Variants in IER5L observed in about 807,000 individuals in gnomAD.
IER5L encodes the protein immediate early response 5 like.
A neutral mutation model predicts 28.3 loss-of-function variants in IER5L; 6 were observed. That is an observed-to-expected ratio of 0.21 (90% CI 0.12 to 0.42). The LOEUF (loss-of-function observed/expected upper bound fraction) is 0.42, where lower values mean the gene tolerates loss of function less well. Ranked by LOEUF, IER5L falls within the 10% of genes least tolerant of loss-of-function variation. The probability of loss-of-function intolerance (pLI) is 1.00; values close to 1 mark genes in which losing one functional copy is unlikely to be tolerated. For missense variants in IER5L, 607 were observed against 575.2 expected, an observed-to-expected ratio of 1.06 and a Z score of -0.56; for synonymous variants, 351 against 282.5, an observed-to-expected ratio of 1.24 and a Z score of -2.43.
rs765744642 is a variant in IER5L, at chr9:129,178,087, C to CGCT, written c.-38_-36dup. On this transcript the variant is annotated 5_prime_UTR_variant, in exon 1 of 1. Transcript: ENST00000372491. ...GAGACGGCGGCGGAGCAGCCGCCGC[C>CGCT]GCTGCTGCTGTTAACGCTTCTGCTG... is the stretch of plus-strand genomic sequence containing the variant. The CGCT allele has an allele frequency of 1.3e-5, 18 of 1,374,026 alleles. No individual in the cohort carries two copies. Among genetic ancestry groups the CGCT allele is most frequent in the African/African-American group, 1.2e-4 (8 of 65,704 alleles). 85.1% of individuals were successfully genotyped at this position (1,374,026 alleles called of 1,614,324 possible).
chr9:129,176,581 A>G lies in IER5L; in HGVS notation c.*257T>C, dbSNP rs1362321617. On this transcript the variant is annotated 3_prime_UTR_variant, in exon 1 of 1. Transcript: ENST00000372491. ...ACACCACTGCAATCACTACAATAAAAAGAAAAAAAGGAGTAGGAGAAACAC... is the reference window on the plus strand; with the variant it reads ...ACACCACTGCAATCACTACAATAAAGAGAAAAAAAGGAGTAGGAGAAACAC... The G allele has an allele frequency of 1.2e-5, 4 of 341,210 alleles. No homozygotes were observed. Among genetic ancestry groups the G allele is most frequent in the Non-Finnish European group, 2.0e-5 (4 of 197,854 alleles). The allele number at this position is 341,210 out of a possible 1,614,324, so 21.1% of individuals were successfully genotyped here.
In IER5L at chr9:129,177,428, A is replaced by G. The variant is rs1490370865; in HGVS notation, c.625T>C (p.Ser209Pro). 1 of 1,211,510 alleles carries G rather than the reference A, an allele frequency of 8.3e-7. No homozygotes were observed. Among genetic ancestry groups the G allele is most frequent in the Non-Finnish European group, 1.0e-6 (1 of 976,168 alleles). 75.0% of individuals were successfully genotyped at this position (1,211,510 alleles called of 1,614,324 possible). Residue 209 changes from serine (S) to proline (P), a missense_variant, in exon 1 of 1, where the codon TCC (serine) becomes CCC (proline). Coordinates refer to ENST00000372491, the MANE Select transcript of IER5L (RefSeq NM_203434.3). ...PRDPRAPAACSAPPGAAPPAA... is the reference protein window; with the variant it reads ...PRDPRAPAACPAPPGAAPPAA... ...GGAGGGGCGGCCCCTGGGGGCGCGG[A>G]GCAGGCGGCCGGGGCGCGAGGGTCC...
rs960286474 is a variant in IER5L at position 129,177,481 on chromosome 9, GGCGGCA to G, written c.566_571del (p.Leu189_Pro190del). On this transcript the variant is annotated inframe_deletion, in exon 1 of 1. Coordinates refer to ENST00000372491, the MANE Select transcript of IER5L (RefSeq NM_203434.3). The stretch of plus-strand genomic sequence containing the variant: ...CGGGCAGAGCGCAGCGGGCGCGGGC[GGCGGCA>G]GCGGCAGCGGCAGCGGCGCAGGACC... 3.5e-4 allele frequency: 345 copies of G among 992,808 alleles called. No individual in the cohort carries two copies. The highest frequency in any genetic ancestry group is 2.4e-3 in the East Asian group (22 of 9,206). The allele number at this position is 992,808 out of a possible 1,614,324, so 61.5% of individuals were successfully genotyped here.
In IER5L at chr9:129,177,344, G is replaced by T. The variant is rs1487585780; in HGVS notation, c.709C>A (p.Arg237=). The T allele has an allele frequency of 8.4e-6, 11 of 1,315,698 alleles. No homozygotes were observed. The highest frequency in any genetic ancestry group is 1.5e-5 in the African/African-American group (1 of 66,616). 81.5% of individuals were successfully genotyped at this position (1,315,698 alleles called of 1,614,324 possible). The change falls in exon 1 of 1, where the codon CGG becomes AGG. Residue 237 remains arginine (R), a synonymous_variant. Coordinates refer to ENST00000372491, the MANE Select transcript of IER5L (RefSeq NM_203434.3). ...TCCGAAGGGGTAGGGTATGCGCCCC[G>T]GTAGAAGCCGGGGGAGGAGGCGGGG... ...PAPASSPGFY[R]GAYPTPSDFG...
rs1466441711 is a variant in IER5L, at chr9:129,178,151, G to A, written c.-99C>T. ...CCGGCCGCCGGGGCGCGCCGGGCAG[G>A]GGTAACGGAGTCCGGGTCAGAGGTT... On this transcript the variant is annotated 5_prime_UTR_variant, in exon 1 of 1. Transcript: ENST00000372491. The A allele has an allele frequency of 1.9e-6, 2 of 1,047,724 alleles. No individual in the cohort carries two copies. The highest frequency in any genetic ancestry group is 3.2e-5 in the East Asian group (1 of 30,792). The allele number at this position is 1,047,724 out of a possible 1,614,324, so 64.9% of individuals were successfully genotyped here.
In IER5L at chr9:129,177,706, T is replaced by G. The variant is rs1328002693; in HGVS notation, c.347A>C (p.Gln116Pro). The G allele has an allele frequency of 4.2e-6, 6 of 1,430,900 alleles. No homozygotes were observed. The African/African-American group carries it at 7.5e-5, about 18-fold the overall frequency. 88.6% of individuals were successfully genotyped at this position (1,430,900 alleles called of 1,614,324 possible). A position where few individuals can be genotyped will look rare whatever the true frequency, so the allele number is the denominator to read the frequency against. ...CTGCTGGAGGTGCAGCTGGTGGAGC[T>G]GGTGGAGCTGGTGCAGCTGGTGCCG... The part of the protein sequence containing the change: ...AARHQLHQLH[Q>P]LHQLHLQQQL... Residue 116 changes from glutamine (Q) to proline (P), a missense_variant, in exon 1 of 1, where the codon CAG becomes CCG. Transcript: ENST00000372491.
In IER5L at chr9:129,177,888, G is replaced by A. The variant is rs760839354; in HGVS notation, c.165C>T (p.Leu55=). ...QLYLSERYAE[L]YRRQQQQQQQ... is the part of the protein sequence containing the mutation. ...GTTGCTGCTGCTGCTGGCGCCGGTA[G>A]AGCTCGGCGTAGCGCTCGCTCAGGT... is the stretch of plus-strand genomic sequence containing the variant. Residue 55 remains leucine, a synonymous_variant, in exon 1 of 1, where the codon CTC becomes CTT. Coordinates refer to ENST00000372491, the MANE Select transcript of IER5L (RefSeq NM_203434.3). 11 of 1,548,722 alleles carry A rather than the reference G, an allele frequency of 7.1e-6. No individual in the cohort carries two copies. Among genetic ancestry groups the A allele is most frequent in the Non-Finnish European group, 8.7e-6 (10 of 1,147,500 alleles).
Position 129,178,252 on chromosome 9 carries a change from A to G in IER5L, c.-200T>C. ...GCTCGCGCTCCCCAGACGGCGCCAA[A>G]GCAATGAGTCTCGGCCGGCCCCGGC... On this transcript the variant is annotated 5_prime_UTR_variant, in exon 1 of 1. Coordinates refer to ENST00000372491, the MANE Select transcript of IER5L (RefSeq NM_203434.3). The G allele has an allele frequency of 2.3e-6, 1 of 436,886 alleles. No individual in the cohort carries two copies. Among genetic ancestry groups the G allele is most frequent in the Non-Finnish European group, 3.9e-6 (1 of 253,826 alleles). The allele number at this position is 436,886 out of a possible 1,614,324, so 27.1% of individuals were successfully genotyped here.
rs111826542 is a variant in IER5L at position 129,176,668 on chromosome 9, C to CT, written c.*169dup. ...AAATAAAGTCCAAGATTTTAGATTT[C>CT]TTTTTTTTTTATTTTACAATTTATA... On this transcript the variant is annotated 3_prime_UTR_variant, in exon 1 of 1. Coordinates refer to ENST00000372491, the MANE Select transcript of IER5L (RefSeq NM_203434.3). The CT allele has an allele frequency of 6.0e-3, 4,899 of 810,362 alleles. 1 individual carries two copies. The highest frequency in any genetic ancestry group is 9.4e-3 in the Middle Eastern group (22 of 2,334). 50.2% of individuals were successfully genotyped at this position (810,362 alleles called of 1,614,324 possible).
In IER5L at chr9:129,177,122, C is replaced by T. The variant is rs928695013; in HGVS notation, c.931G>A (p.Glu311Lys). Residue 311 changes from glutamate to lysine, a missense_variant, in exon 1 of 1, where the codon GAG becomes AAG. By Grantham distance (56) the Glu-to-Lys change is moderately conservative (BLOSUM62 1). Coordinates refer to ENST00000372491, the MANE Select transcript of IER5L (RefSeq NM_203434.3). ...CCCGCATCCTCCTCGTCGTCTTCCT[C>T]CTCCTCCTGGCCAGGGTAATACTTG... ...KRKYYPGQEE[E>K]EDDEEDAGGL... 2 of 1,464,406 alleles carry T rather than the reference C, an allele frequency of 1.4e-6. No homozygotes were observed. Among genetic ancestry groups the T allele is most frequent in the Non-Finnish European group, 1.8e-6 (2 of 1,110,252 alleles). 90.7% of individuals were successfully genotyped at this position (1,464,406 alleles called of 1,614,324 possible).
Position 129,177,094 on chromosome 9 carries a change from C to A in IER5L, c.959G>T (p.Gly320Val), listed in dbSNP as rs774228318. 3.4e-6 allele frequency: 5 copies of A among 1,459,846 alleles called. No individual in the cohort carries two copies. The highest frequency in any genetic ancestry group is 3.6e-6 in the Non-Finnish European group (4 of 1,107,528). The allele number at this position is 1,459,846 out of a possible 1,614,324, so 90.4% of individuals were successfully genotyped here. ...EEEDDEEDAG[G>V]LGAEPPGGAP... The stretch of plus-strand genomic sequence containing the variant: ...GCCCCCGGGGGGCTCGGCCCCCAGC[C>A]CGCCCGCATCCTCCTCGTCGTCTTC... The change falls in exon 1 of 1, where the codon GGG becomes GTG. Residue 320 changes from glycine to valine, a missense_variant. Transcript: ENST00000372491.
In IER5L at chr9:129,176,658, T is replaced by C. The variant is rs904910031; in HGVS notation, c.*180A>G. 8.2e-6 allele frequency: 7 copies of C among 854,932 alleles called. No individual in the cohort carries two copies. The highest frequency in any genetic ancestry group is 1.1e-5 in the Non-Finnish European group (7 of 621,118). 53.0% of individuals were successfully genotyped at this position (854,932 alleles called of 1,614,324 possible). A position where few individuals can be genotyped will look rare whatever the true frequency, so the allele number is the denominator to read the frequency against. On this transcript the variant is annotated 3_prime_UTR_variant, in exon 1 of 1. Coordinates refer to ENST00000372491, the MANE Select transcript of IER5L (RefSeq NM_203434.3). ...CTCTCTGCAAAAATAAAGTCCAAGA[T>C]TTTAGATTTCTTTTTTTTTTATTTT...
rs1829445563 is a variant in IER5L, at chr9:129,178,218, C to G, written c.-166G>C. On this transcript the variant is annotated 5_prime_UTR_variant, in exon 1 of 1. Coordinates refer to ENST00000372491, the MANE Select transcript of IER5L (RefSeq NM_203434.3). ...GGAGCCGCCACCATGCGCCGCGCGC[C>G]ACCCGCGGGCTCGCGCTCCCCAGAC... The G allele has an allele frequency of 1.9e-6, 1 of 520,468 alleles. No homozygotes were observed. Among genetic ancestry groups the G allele is most frequent in the Non-Finnish European group, 3.0e-6 (1 of 329,332 alleles). The allele number at this position is 520,468 out of a possible 1,614,324, so 32.2% of individuals were successfully genotyped here.
At position 129,177,496 on chromosome 9, in the gene IER5L, G is replaced by A. The variant is rs968786908; in HGVS notation, c.557C>T (p.Pro186Leu). 15 of 989,708 alleles carry A rather than the reference G, an allele frequency of 1.5e-5. No homozygotes were observed. In the African/African-American group the frequency reaches 2.3e-4, roughly 15 times the overall value. 61.3% of individuals were successfully genotyped at this position (989,708 alleles called of 1,614,324 possible). A position where few individuals can be genotyped will look rare whatever the true frequency, so the allele number is the denominator to read the frequency against. Residue 186 changes from proline to leucine, a missense_variant, in exon 1 of 1, where the codon CCG becomes CTG. Pro to Leu is a moderately conservative substitution (Grantham distance 98). Coordinates refer to ENST00000372491, the MANE Select transcript of IER5L (RefSeq NM_203434.3). Reference protein sequence around the residue: ...EPLQPGPAPLPLPLPPPAPAA... With the variant: ...EPLQPGPAPLLLPLPPPAPAA... ...GGGCGCGGGCGGCGGCAGCGGCAGC[G>A]GCAGCGGCGCAGGACCCGGCTGCAG...
rs1280768814 is a variant in IER5L, at chr9:129,177,652, G to A, written c.401C>T (p.Pro134Leu). The A allele has an allele frequency of 1.5e-6, 2 of 1,291,060 alleles. No individual in the cohort carries two copies. Among genetic ancestry groups the A allele is most frequent in the East Asian group, 3.4e-5 (1 of 29,020 alleles). The allele number at this position is 1,291,060 out of a possible 1,614,324, so 80.0% of individuals were successfully genotyped here. A position where few individuals can be genotyped will look rare whatever the true frequency, so the allele number is the denominator to read the frequency against. ...CGCCGCCGCCGCCGCGCAGCCCCTG[G>A]GCGCCGGGTGCTGGTGCTGGTGCAG... ...QQLHQHQHPAPRGCAAAAAAG... is the reference protein window; with the variant it reads ...QQLHQHQHPALRGCAAAAAAG... Residue 134 changes from proline to leucine, a missense_variant, in exon 1 of 1, where the codon CCC becomes CTC. Pro to Leu is a moderately conservative substitution (Grantham distance 98). Coordinates refer to ENST00000372491, the MANE Select transcript of IER5L (RefSeq NM_203434.3).
At position 129,177,825 on chromosome 9, in the gene IER5L, C is replaced by A. The variant is rs1366804464; in HGVS notation, c.228G>T (p.Ala76=). The A allele has an allele frequency of 5.3e-6, 8 of 1,521,052 alleles. No homozygotes were observed. The highest frequency in any genetic ancestry group is 7.0e-6 in the Non-Finnish European group (8 of 1,136,736). The allele number at this position is 1,521,052 out of a possible 1,614,324, so 94.2% of individuals were successfully genotyped here. A position where few individuals can be genotyped will look rare whatever the true frequency, so the allele number is the denominator to read the frequency against. ...QPPHHQHQHL[A]YAAPGMPASA... is the part of the protein sequence containing the mutation. ...TGGCCGGCATGCCCGGCGCCGCGTA[C>A]GCTAGGTGCTGGTGCTGGTGGTGGG... Residue 76 remains alanine, a synonymous_variant, in exon 1 of 1, where the codon GCG becomes GCT. Coordinates refer to ENST00000372491, the MANE Select transcript of IER5L (RefSeq NM_203434.3).
Position 129,177,921 on chromosome 9 carries a change from G to A in IER5L, c.132C>T (p.Arg44=), listed in dbSNP as rs975333098. 4 of 1,564,626 alleles carry A rather than the reference G, an allele frequency of 2.6e-6. No homozygotes were observed. The highest frequency in any genetic ancestry group is 3.5e-6 in the Non-Finnish European group (4 of 1,156,242). Residue 44 remains arginine (R), a synonymous_variant, in exon 1 of 1, where the codon CGC becomes CGT. Coordinates refer to ENST00000372491, the MANE Select transcript of IER5L (RefSeq NM_203434.3). ...CGTAGCGCTCGCTCAGGTAGAGCTG[G>A]CGCGCGTTGCGGAGCACGTAGGACA... ...LLVSYVLRNA[R]QLYLSERYAE...
At position 129,177,012 on chromosome 9, in the gene IER5L, G is replaced by A. The variant is rs774944099; in HGVS notation, c.1041C>T (p.Ser347=). 28 of 1,593,954 alleles carry A rather than the reference G, an allele frequency of 1.8e-5. No homozygotes were observed. The highest frequency in any genetic ancestry group is 2.1e-5 in the Non-Finnish European group (25 of 1,172,000). The change falls in exon 1 of 1, where the codon TCC becomes TCT. Residue 347 remains serine (S), a synonymous_variant. Transcript: ENST00000372491. ...ARFEDFCPDS[S]PDASNISNLI... is the part of the protein sequence containing the mutation. The stretch of plus-strand genomic sequence containing the variant: ...AGTTTGAGATGTTGGACGCGTCCGG[G>A]GACGAGTCCGGGCAGAAGTCCTCGA...
rs1376589521 is a variant in IER5L at position 129,177,670 on chromosome 9, TGGTGCAGCTGCTGCTGGA to T, written c.365_382del (p.Leu122_His127del). On this transcript the variant is annotated inframe_deletion, in exon 1 of 1. Transcript: ENST00000372491. The stretch of plus-strand genomic sequence containing the variant: ...GCCCCTGGGCGCCGGGTGCTGGTGC[TGGTGCAGCTGCTGCTGGA>T]GGTGCAGCTGGTGGAGCTGGTGGAG... The T allele has an allele frequency of 7.2e-7, 1 of 1,383,410 alleles. No homozygotes were observed. The highest frequency in any genetic ancestry group is 9.3e-7 in the Non-Finnish European group (1 of 1,069,832). The allele number at this position is 1,383,410 out of a possible 1,614,324, so 85.7% of individuals were successfully genotyped here. A position where few individuals can be genotyped will look rare whatever the true frequency, so the allele number is the denominator to read the frequency against.
Sources: gnomAD v4.1 joint callset for allele counts on GRCh38, gnomAD v4.1.1 for gene constraint, MANE v1.5 for transcripts, NCBI Gene and HGNC (gene_info 2026-07-23, HGNC 2026-07-21) for gene names.